The following DYM variants were observed in gnomAD, a reference collection of about 807,000 sequenced individuals.
DYM encodes the protein dyggve-Melchior-Clausen syndrome protein.
DYM carries 78 observed loss-of-function variants against 93.1 expected under a neutral mutation model. The ratio of observed to expected loss-of-function variants is 0.84; its 90% CI spans 0.70 to 1.01. The LOEUF is 1.01. Ranked by LOEUF, DYM falls within the 50% of genes least tolerant of loss-of-function variation. The pLI is 0.00. For synonymous variants in DYM, 321 were observed against 319.7 expected, an observed-to-expected ratio of 1.00 and a Z score of -0.04; for missense variants, 789 against 845.0, an observed-to-expected ratio of 0.93 and a Z score of 0.82.
At chr18:49,293,515 C>T (rs1007581525) in intron 8 of DYM, among the ~76,000 whole-genome samples, 2 of 152,178 alleles carry the variant, frequency 1.3e-5, no homozygotes, top group East Asian at 3.8e-4. Flanking sequence ...TAATGATCAC[C>T]ATTCTAAGTG....
At chr18:49,458,094 T>G (rs1449823846) in intron 1 of DYM, among the ~76,000 whole-genome samples, 2 of 152,218 alleles carry the variant, frequency 1.3e-5, no homozygotes, top group African/African-American at 4.8e-5. Flanking sequence ...AAATTTGTGG[T>G]AACATGTTAC....
chr18:49,459,873 G>A (rs897561032), intron 1 of DYM, among the ~76,000 whole-genome samples: 1 of 151,114 alleles, frequency 6.6e-6, no homozygotes, highest in South Asian at 2.1e-4. Flanking sequence ...TAGTGTAGGG[G>A]AGAGAAGGAG....
At chr18:49,448,178 T>C (rs919407037) in intron 1 of DYM, among the ~76,000 whole-genome samples, 5 of 152,160 alleles carry the variant, frequency 3.3e-5, no homozygotes, top group South Asian at 4.1e-4. Flanking sequence ...GGTAAAATAT[T>C]CCTCCAAAGC....
At chr18:49,282,197 A>G in intron 9 of DYM, 22 bp from the exon 10 acceptor site, 2 of 1,604,792 alleles carry the variant, frequency 1.2e-6, no homozygotes, top group South Asian at 1.1e-5. Flanking sequence ...AAAACAGCAC[A>G]TCAGTAATTT....
chr18:49,429,217 T>G (rs1399279212), intron 2 of DYM, among the ~76,000 whole-genome samples: 1 of 152,244 alleles, frequency 6.6e-6, no homozygotes, highest in African/African-American at 2.4e-5. Context: ...TGTGATTACT[T>G]TGGGCCTGCC....
intron 1 of DYM, among the ~76,000 whole-genome samples, chr18:49,436,587 C>T (rs2080883697): frequency 1.3e-5 from 2 of 152,092 alleles, no homozygotes; most frequent in African/African-American, 4.8e-5. Context: ...GTAAAAAAGA[C>T]CTTGACTACT....
At chr18:49,398,059 T>C (rs1394594169) in intron 2 of DYM, among the ~76,000 whole-genome samples, 3 of 152,208 alleles carry the variant, frequency 2.0e-5, no homozygotes, top group African/African-American at 7.2e-5. Context: ...CTATAGTGAA[T>C]ATCCCGTTAC....
At position 49,089,699 on chromosome 18, in the gene DYM, C is replaced by T. The variant is rs192206505; in HGVS notation, c.2025+7703G>A. On this transcript the variant is annotated intron_variant, in intron 17 of 17. Transcript: ENST00000675505. ...CTAGGTTAGAATCTCAGGTGGGATC[C>T]GGAACCTGCATATGAAAAGAGTGCT... is the stretch of plus-strand genomic sequence containing the variant. Among the ~76,000 whole-genome samples, 101 of 152,230 alleles carry T rather than the reference C, an allele frequency of 6.6e-4. 1 individual carries two copies. Among genetic ancestry groups the T allele is most frequent in the Non-Finnish European group, 1.3e-3 (90 of 68,002 alleles).
intron 6 of DYM, among the ~76,000 whole-genome samples, chr18:49,342,849 T>C (rs2064271106): frequency 6.6e-6 from 1 of 152,208 alleles, no homozygotes; most frequent in Non-Finnish European, 1.5e-5. Flanking sequence ...AGGGTAGGTG[T>C]GTAGCAGGCT....
intron 11 of DYM, among the ~76,000 whole-genome samples, chr18:49,264,614 C>T (rs1323119806): frequency 1.3e-5 from 2 of 152,184 alleles, no homozygotes; most frequent in Non-Finnish European, 2.9e-5. Context: ...ACGATGATTA[C>T]TGTTCCGGGT....
intron 8 of DYM, among the ~76,000 whole-genome samples, chr18:49,302,847 G>A (rs1399861772): frequency 6.6e-6 from 1 of 152,140 alleles, no homozygotes; most frequent in African/African-American, 2.4e-5. Context: ...CAACCACCAG[G>A]CCATGCCTCT....
At chr18:49,315,879 T>C (rs879195840) in intron 8 of DYM, among the ~76,000 whole-genome samples, 3 of 152,250 alleles carry the variant, frequency 2.0e-5, no homozygotes, top group East Asian at 1.9e-4. Flanking sequence ...AACCAGTCTA[T>C]TGAAGAAAAA....
At chr18:49,214,139 T>G (rs1422635886) in intron 13 of DYM, among the ~76,000 whole-genome samples, 2 of 152,200 alleles carry the variant, frequency 1.3e-5, no homozygotes, top group Non-Finnish European at 2.9e-5. Context: ...GATTCTGCTC[T>G]CATAGAACCA....
rs193151747 is a variant in DYM, at chr18:49,138,146, G to C, written c.1729-19220C>G. ...TAAGAAACATGCCGTGCCATGATCTGAACTAATTTACTGGTTATTATTCAA... is the reference window on the plus strand; with the variant it reads ...TAAGAAACATGCCGTGCCATGATCTCAACTAATTTACTGGTTATTATTCAA... On this transcript the variant is annotated intron_variant, in intron 15 of 17. Transcript: ENST00000675505. 4.1e-4 allele frequency among the ~76,000 whole-genome samples: 62 copies of C among 152,180 alleles called. 1 individual carries two copies. The highest frequency in any genetic ancestry group is 1.3e-3 in the Admixed American group (20 of 15,270).
intron 11 of DYM, among the ~76,000 whole-genome samples, chr18:49,265,289 C>G (rs1274049477): frequency 6.6e-6 from 1 of 152,272 alleles, no homozygotes; most frequent in Admixed American, 6.5e-5. Context: ...TACCTGGCAG[C>G]AGCCCCTTGG....
intron 13 of DYM, among the ~76,000 whole-genome samples, chr18:49,221,680 C>G (rs1053947193): frequency 7.2e-5 from 11 of 152,112 alleles, no homozygotes; most frequent in Non-Finnish European, 1.6e-4. Context: ...ACCGCATGTT[C>G]TCACTCATAG....
chr18:49,129,119 TAAA>T (rs79190958), intron 15 of DYM, among the ~76,000 whole-genome samples: 3 of 132,970 alleles, frequency 2.3e-5, no homozygotes, highest in African/African-American at 8.3e-5. Flanking sequence ...AAGCTCAAGT[TAAA>T]AAAAAAAAAA....
chr18:49,359,536 T>C (rs1713060301), intron 6 of DYM, among the ~76,000 whole-genome samples: 1 of 152,248 alleles, frequency 6.6e-6, no homozygotes, highest in African/African-American at 2.4e-5. Flanking sequence ...ATTTCAAGTA[T>C]GCCACTGATC....
intron 5 of DYM, among the ~76,000 whole-genome samples, chr18:49,370,583 T>C (rs974901807): frequency 6.6e-5 from 10 of 152,158 alleles, no homozygotes; most frequent in African/African-American, 2.4e-4. Context: ...CTGGCCAACA[T>C]GGTGAAACCC....
Sources: gnomAD v4.1 joint callset for allele counts (sites outside exome capture counted in the v4.1 genomes callset) on GRCh38, gnomAD v4.1.1 for gene constraint, MANE v1.5 for transcripts, NCBI Gene and HGNC (gene_info 2026-07-23, HGNC 2026-07-21) for gene names.